The following EDRF1 variants were observed in gnomAD, a reference collection of about 807,000 sequenced individuals.
EDRF1 encodes erythroid differentiation regulatory factor 1, also known as erythroid differentiation-related factor 1.
Under a neutral mutation model 148.7 loss-of-function variants are expected in EDRF1, and 69 were observed. The observed-to-expected ratio is 0.46, with a 90% CI of 0.38 to 0.57. The LOEUF (loss-of-function observed/expected upper bound fraction) is 0.57. EDRF1 is among the 20% of genes least tolerant of loss of function. The pLI is 0.00. For missense variants in EDRF1, 1,118 were observed against 1,478.7 expected, an observed-to-expected ratio of 0.76 and a Z score of 4.00; for synonymous variants, 515 against 532.8, an observed-to-expected ratio of 0.97 and a Z score of 0.46.
In EDRF1 at chr10:125,735,812, G is replaced by C. The variant is rs1191889728; in HGVS notation, c.1666G>C (p.Asp556His). The C allele has an allele frequency of 6.2e-7, 1 of 1,613,622 alleles. No individual in the cohort carries two copies. Among genetic ancestry groups the C allele is most frequent in the Non-Finnish European group, 8.5e-7 (1 of 1,179,736 alleles). Reference protein sequence around the residue: ...DENGSYSTSSDPSDDSKAVAI... With the variant: ...DENGSYSTSSHPSDDSKAVAI... ...AAATGGATCCTATAGCACCAGCTCT[G>C]ATCCATCAGATGATAGCAAAGCAGT... The change falls in exon 13 of 25, where the codon GAT becomes CAT. Residue 556 changes from aspartate (D) to histidine (H), a missense_variant. By Grantham distance (81) the Asp-to-His change is moderately conservative (BLOSUM62 -1). Around this residue, in one of 3 missense-constraint regions of EDRF1, gnomAD observed 954 missense variants for 1,241.4 expected, o/e 0.77. Coordinates refer to ENST00000356792, the MANE Select transcript of EDRF1 (RefSeq NM_001202438.2).
At chr10:125,726,438 C>T (rs1188989552) in intron 6 of EDRF1, among the ~76,000 whole-genome samples, 1 of 152,132 alleles carries the variant, frequency 6.6e-6, no homozygotes, top group Non-Finnish European at 1.5e-5. Context: ...ATCCTTGTTT[C>T]TTCCTAATGC....
At chr10:125,732,052 A>G (rs2133692273) in intron 9 of EDRF1, 1 of 273,190 alleles carries the variant, frequency 3.7e-6, no homozygotes. Flanking sequence ...GTGCATCAGA[A>G]TCACTTGTGG....
At chr10:125,736,453 T>C (rs994064666) in intron 13 of EDRF1, among the ~76,000 whole-genome samples, 5 of 152,294 alleles carry the variant, frequency 3.3e-5, no homozygotes, top group Admixed American at 6.5e-5. Context: ...TCAGTGTATC[T>C]CCAGGCAGTA....
chr10:125,753,923 GA>G (rs887672520), intron 24 of EDRF1, 78 bp downstream of exon 24: 1 of 1,502,816 alleles, frequency 6.7e-7, no homozygotes, highest in African/African-American at 1.4e-5. Flanking sequence ...ACATCATAAA[GA>G]AAAACTAGGG....
chr10:125,720,650 A>C (rs1027679944), intron 1 of EDRF1, among the ~76,000 whole-genome samples: 11 of 152,026 alleles, frequency 7.2e-5, no homozygotes, highest in African/African-American at 2.7e-4. Context: ...GTCTCTACTA[A>C]AAATACAAAA....
Position 125,735,728 on chromosome 10 carries a change from A to C in EDRF1, c.1582A>C (p.Asn528His). 1 of 1,613,738 alleles carries C rather than the reference A, an allele frequency of 6.2e-7. No homozygotes were observed. The highest frequency in any genetic ancestry group is 8.5e-7 in the Non-Finnish European group (1 of 1,179,752). ...KKEENSESPL[N>H]ENSDESYSEE... Reference sequence around the variant, plus strand: ...GGAAGAAAATTCAGAATCTCCTTTAAATGAGAATTCTGATGAAAGTTATAG... The same window carrying C: ...GGAAGAAAATTCAGAATCTCCTTTACATGAGAATTCTGATGAAAGTTATAG... Residue 528 changes from asparagine to histidine, a missense_variant, in exon 13 of 25, where the codon AAT becomes CAT. Physicochemically the swap from Asn to His is moderately conservative, Grantham distance 68 (BLOSUM62 1). Around this residue, in one of 3 missense-constraint regions of EDRF1, gnomAD observed 954 missense variants for 1,241.4 expected, o/e 0.77. Coordinates refer to ENST00000356792, the MANE Select transcript of EDRF1 (RefSeq NM_001202438.2).
chr10:125,745,605 C>T (rs1849309995), intron 18 of EDRF1, 102 bp from the exon 19 acceptor site: 2 of 1,238,298 alleles, frequency 1.6e-6, no homozygotes, highest in East Asian at 2.5e-5. Flanking sequence ...CTCGCCACCA[C>T]ACTCCTGTCA....
intron 4 of EDRF1, 109 bp downstream of exon 4, chr10:125,724,045 A>G (rs1342626916): frequency 5.5e-6 from 7 of 1,277,418 alleles, no homozygotes; most frequent in East Asian, 2.4e-5. Flanking sequence ...GAGTACTTCA[A>G]CAATCGAGAA....
chr10:125,734,253 T>G (rs1181984492), intron 12 of EDRF1, 70 bp downstream of exon 12: 2 of 1,165,258 alleles, frequency 1.7e-6, no homozygotes, highest in African/African-American at 3.0e-5. Context: ...ACCTAGACAG[T>G]AAAGCCTCCT....
chr10:125,728,970 C>T, intron 6 of EDRF1, 33 bp from the exon 7 acceptor site: 2 of 1,493,656 alleles, frequency 1.3e-6, no homozygotes, highest in Non-Finnish European at 1.8e-6. Flanking sequence ...ATGTTGACAG[C>T]AGAATCACTC....
chr10:125,738,761 A>G (rs1247963515), intron 15 of EDRF1, among the ~76,000 whole-genome samples: 3 of 152,170 alleles, frequency 2.0e-5, no homozygotes, highest in Non-Finnish European at 4.4e-5. Context: ...GCCTAACTTC[A>G]TATCTTGGCT....
intron 24 of EDRF1, among the ~76,000 whole-genome samples, chr10:125,757,526 T>A (rs557181512): frequency 6.6e-6 from 1 of 152,378 alleles, no homozygotes; most frequent in East Asian, 1.9e-4. Context: ...TACCTTCATT[T>A]ATTCCATTTC....
chr10:125,753,003 G>GT, intron 23 of EDRF1, 89 bp downstream of exon 23: 1 of 875,176 alleles, frequency 1.1e-6, no homozygotes, highest in Non-Finnish European at 1.9e-6. Context: ...GTATGTGTGT[G>GT]GGTATATATA....
At chr10:125,721,526 G>T in intron 2 of EDRF1, 114 bp downstream of exon 2, 1 of 1,006,278 alleles carries the variant, frequency 9.9e-7, no homozygotes, top group South Asian at 1.4e-5. Context: ...TCTCTTTAGA[G>T]AAAGATCACA....
At position 125,719,828 on chromosome 10, in the gene EDRF1, C is replaced by T. The variant is rs1328996436; in HGVS notation, c.21C>T (p.Ala7=). ...AAGTGATGGGGGATGCCAAGGAGGC[C>T]GGAGCCGAGGGTCCGCCGGCCGGGG... The part of the protein sequence containing the change: MGDAKE[A]GAEGPPAGAA... Residue 7 remains alanine, a synonymous_variant, in exon 1 of 25, where the codon GCC becomes GCT. Transcript: ENST00000356792. The T allele has an allele frequency of 6.2e-7, 1 of 1,611,472 alleles. No individual in the cohort carries two copies. Among genetic ancestry groups the T allele is most frequent in the Admixed American group, 1.7e-5 (1 of 59,826 alleles).
At position 125,748,453 on chromosome 10, in the gene EDRF1, G is replaced by GC. The variant is rs767952516; in HGVS notation, c.3123+444dup. On this transcript the variant is annotated intron_variant, in intron 21 of 24. Transcript: ENST00000356792. ...AGCAGGATTGTACATGAATCCTGGT[G>GC]CCCAAATGCCTGTATTTCTGAGAAT... The GC allele has an allele frequency of 2.9e-3, 620 of 210,298 alleles. 3 individuals carry two copies. The highest frequency in any genetic ancestry group is 6.5e-3 in the Middle Eastern group (3 of 462). The allele number at this position is 210,298 out of a possible 1,614,324, so 13.0% of individuals were successfully genotyped here. A position where few individuals can be genotyped will look rare whatever the true frequency, so the allele number is the denominator to read the frequency against.
rs547241609 is a variant in EDRF1 at position 125,749,748 on chromosome 10, G to C, written c.3277+183G>C. The C allele has an allele frequency of 7.3e-6, 5 of 688,506 alleles. No individual in the cohort carries two copies. In the East Asian group the frequency reaches 1.4e-4, roughly 19 times the overall value. 42.6% of individuals were successfully genotyped at this position (688,506 alleles called of 1,614,324 possible). A position where few individuals can be genotyped will look rare whatever the true frequency, so the allele number is the denominator to read the frequency against. On this transcript the variant is annotated intron_variant, in intron 22 of 24. Coordinates refer to ENST00000356792, the MANE Select transcript of EDRF1 (RefSeq NM_001202438.2). ...GTTTTGAAGTGCTTTTTAAAACTTA[G>C]AGGAATGTATTAGATTATGTTCAGT... is the stretch of plus-strand genomic sequence containing the variant.
chr10:125,758,435 G>C (rs1850023190), intron 24 of EDRF1, among the ~76,000 whole-genome samples: 1 of 152,142 alleles, frequency 6.6e-6, no homozygotes, highest in African/African-American at 2.4e-5. Context: ...ATGTATGATA[G>C]TAGAGACCAA....
intron 1 of EDRF1, 103 bp from the exon 2 acceptor site, chr10:125,721,101 C>G: frequency 9.0e-7 from 1 of 1,106,184 alleles, no homozygotes; most frequent in Non-Finnish European, 1.4e-6. Context: ...GGCATACGTT[C>G]CTTGTGAAGC....
Sources: gnomAD v4.1 joint callset for allele counts (sites outside exome capture counted in the v4.1 genomes callset) on GRCh38, gnomAD v4.1.1 for gene constraint, gnomAD v4.1.1 regional missense constraint, MANE v1.5 for transcripts, NCBI Gene and HGNC (gene_info 2026-07-23, HGNC 2026-07-21) for gene names.